KIF11: variants seen among roughly 807,000 people sequenced by gnomAD.
The protein encoded by KIF11 is kinesin-like protein KIF11.
In KIF11, 9 loss-of-function variants were observed where a neutral mutation model predicts 121.0. That is an observed-to-expected ratio of 0.07 (90% confidence interval 0.04 to 0.13). The LOEUF (loss-of-function observed/expected upper bound fraction) is 0.13, where lower values mean the gene tolerates loss of function less well. KIF11 is among the 10% of genes least tolerant of loss of function. The probability of loss-of-function intolerance (pLI) is 1.00; values close to 1 mark genes in which losing one functional copy is unlikely to be tolerated. For synonymous variants in KIF11, 408 were observed against 421.0 expected (o/e 0.97, Z 0.38); for missense variants, 846 against 1,217.5 (o/e 0.69, Z 4.54).
At chr10:92,625,515 AT>A (rs1844666160) in intron 10 of KIF11, among the ~76,000 whole-genome samples, 1 of 151,700 alleles carries the variant, frequency 6.6e-6, no homozygotes, top group African/African-American at 2.4e-5. Context: ...TGCCCGGCTA[AT>A]TTTTGTATTT....
At chr10:92,595,879 G>C (rs1324374537) in intron 1 of KIF11, among the ~76,000 whole-genome samples, 2 of 152,122 alleles carry the variant, frequency 1.3e-5, no homozygotes, top group African/African-American at 2.4e-5. Flanking sequence ...CTCCAGGTTG[G>C]ACCATGTTGT....
At chr10:92,629,902 C>T (rs950178775) in intron 11 of KIF11, among the ~76,000 whole-genome samples, 1 of 152,150 alleles carries the variant, frequency 6.6e-6, no homozygotes, top group African/African-American at 2.4e-5. Context: ...CAGGTGTGAA[C>T]CACCTTGCCA....
intron 10 of KIF11, among the ~76,000 whole-genome samples, chr10:92,624,772 GTTTT>G (rs1297187722): frequency 7.4e-6 from 1 of 134,826 alleles, no homozygotes; most frequent in African/African-American, 2.8e-5. Flanking sequence ...TGTGTGTGTG[GTTTT>G]TTTTTTTTTT....
Position 92,593,321 on chromosome 10 carries a change from C to A in KIF11, c.-55C>A. The A allele has an allele frequency of 3.2e-6, 5 of 1,548,844 alleles. No individual in the cohort carries two copies. The South Asian group carries it at 5.9e-5, about 18-fold the overall frequency. On this transcript the variant is annotated 5_prime_UTR_variant, in exon 1 of 22. Coordinates refer to ENST00000260731, the MANE Select transcript of KIF11 (RefSeq NM_004523.4). ...CCCTGTCGGCCGCCAAGCCCCTCCGCCCCTCACAGCGCCCAGGTCCGCGGC... is the reference window on the plus strand; with the variant it reads ...CCCTGTCGGCCGCCAAGCCCCTCCGACCCTCACAGCGCCCAGGTCCGCGGC...
At position 92,616,745 on chromosome 10, in the gene KIF11, G is replaced by C. The variant is rs1315367842; in HGVS notation, c.1041G>C (p.Leu347=). The change falls in exon 9 of 22, where the codon CTG becomes CTC. Residue 347 remains leucine, a synonymous_variant. Coordinates refer to ENST00000260731, the MANE Select transcript of KIF11 (RefSeq NM_004523.4). Reference sequence around the variant, plus strand: ...TTTCCTTTCCATGACAGGAAACTCTGAGTACATTGGAATATGCTCATAGAG... The same window carrying C: ...TTTCCTTTCCATGACAGGAAACTCTCAGTACATTGGAATATGCTCATAGAG... ...SPASLNLEET[L]STLEYAHRAK... 7 of 1,583,980 alleles carry C rather than the reference G, an allele frequency of 4.4e-6. No individual in the cohort carries two copies. The highest frequency in any genetic ancestry group is 5.2e-6 in the Non-Finnish European group (6 of 1,156,716).
Position 92,609,538 on chromosome 10 carries a change from C to T in KIF11, c.698+29C>T, listed in dbSNP as rs1844472337. Reference sequence around the variant, plus strand: ...AGAAAGCCATAGTCTCTTCCCTAGCCCCATTTTCTTTTAAGAAGAATTAGG... The same window carrying T: ...AGAAAGCCATAGTCTCTTCCCTAGCTCCATTTTCTTTTAAGAAGAATTAGG... On this transcript the variant is annotated intron_variant, in intron 6 of 21. Coordinates refer to ENST00000260731, the MANE Select transcript of KIF11 (RefSeq NM_004523.4). 3 of 1,571,868 alleles carry T rather than the reference C, an allele frequency of 1.9e-6. No individual in the cohort carries two copies. The African/African-American group carries it at 4.1e-5, about 22-fold the overall frequency.
intron 21 of KIF11, among the ~76,000 whole-genome samples, chr10:92,651,518 T>TTTTTTTTTTTG (rs1844982214): frequency 1.5e-5 from 1 of 65,184 alleles, no homozygotes; most frequent in Non-Finnish European, 2.7e-5. Flanking sequence ...TTTTTTTTTT[T>TTTTTTTTTTTG]TTTTTTTTTT....
intron 17 of KIF11, among the ~76,000 whole-genome samples, chr10:92,641,864 A>G (rs1184239121): frequency 6.6e-6 from 1 of 152,156 alleles, no homozygotes; most frequent in Admixed American, 6.5e-5. Flanking sequence ...TGTTGTTCAC[A>G]TTGGGGAAAT....
chr10:92,632,382 G>A, intron 12 of KIF11, 104 bp from the exon 13 acceptor site: 1 of 780,222 alleles, frequency 1.3e-6, no homozygotes, highest in Non-Finnish European at 2.1e-6. Flanking sequence ...TGGCCAGGCT[G>A]GAAAATTTAC....
At chr10:92,619,399 A>G (rs977972025) in intron 9 of KIF11, among the ~76,000 whole-genome samples, 14 of 152,220 alleles carry the variant, frequency 9.2e-5, no homozygotes, top group African/African-American at 2.4e-4. Flanking sequence ...CACTTATTGA[A>G]TAACATATGA....
At chr10:92,611,666 A>T (rs1163469152) in intron 6 of KIF11, among the ~76,000 whole-genome samples, 1 of 152,126 alleles carries the variant, frequency 6.6e-6, no homozygotes, top group Non-Finnish European at 1.5e-5. Context: ...TCGGAGGCCA[A>T]GGTGGGTGGA....
chr10:92,611,485 G>A (rs1844495596), intron 6 of KIF11, among the ~76,000 whole-genome samples: 1 of 151,972 alleles, frequency 6.6e-6, no homozygotes, highest in African/African-American at 2.4e-5. Context: ...GTGATTACAG[G>A]CGTGAGGCAC....
Position 92,645,495 on chromosome 10 carries a change from C to A in KIF11, c.2400C>A (p.His800Gln). The change falls in exon 18 of 22, where the codon CAC (histidine) becomes CAA (glutamine). Residue 800 changes from histidine (H) to glutamine (Q), a missense_variant. His to Gln is a conservative substitution (Grantham distance 24). Transcript: ENST00000260731. ...GTKLVEESVK[H>Q]SDKLNGNLEK... is the part of the protein sequence containing the mutation. Reference sequence around the variant, plus strand: ...AATTGGTTGAAGAATCTGTGAAACACTCTGATAAACTCAATGGCAACCTGG... The same window carrying A: ...AATTGGTTGAAGAATCTGTGAAACAATCTGATAAACTCAATGGCAACCTGG... 1 of 1,614,018 alleles carries A rather than the reference C, an allele frequency of 6.2e-7. No individual in the cohort carries two copies. The highest frequency in any genetic ancestry group is 8.5e-7 in the Non-Finnish European group (1 of 1,179,936).
rs60055052 is a variant in KIF11, at chr10:92,649,778, T to TA, written c.2771-52dup. 2.6e-5 allele frequency: 32 copies of TA among 1,249,346 alleles called. No homozygotes were observed. The Admixed American group carries it at 6.0e-4, about 24-fold the overall frequency. 77.4% of individuals were successfully genotyped at this position (1,249,346 alleles called of 1,614,324 possible). On this transcript the variant is annotated intron_variant, in intron 19 of 21. Transcript: ENST00000260731. Reference sequence around the variant, plus strand: ...TTAATTAGGAAGTTTTAGGTTTTTTTAAAAATATTTACATCTCATACTTTA... The same window carrying TA: ...TTAATTAGGAAGTTTTAGGTTTTTTTAAAAAATATTTACATCTCATACTTTA...
chr10:92,599,233 G>C (rs928420169), intron 1 of KIF11, among the ~76,000 whole-genome samples: 1 of 151,694 alleles, frequency 6.6e-6, no homozygotes, highest in African/African-American at 2.4e-5. Context: ...AATGTAACTG[G>C]AGGCTGGACG....
chr10:92,625,373 C>T (rs1380279161), intron 10 of KIF11, among the ~76,000 whole-genome samples: 1 of 147,996 alleles, frequency 6.8e-6, no homozygotes, highest in Non-Finnish European at 1.5e-5. Context: ...TTTTGAGACA[C>T]AGTTTCACTG....
chr10:92,618,419 C>G (rs1370841436), intron 9 of KIF11, among the ~76,000 whole-genome samples: 1 of 151,422 alleles, frequency 6.6e-6, no homozygotes, highest in African/African-American at 2.4e-5. Context: ...CCGAGGTAGG[C>G]GGATTGCTTT....
intron 17 of KIF11, 143 bp downstream of exon 17, chr10:92,640,043 A>G (rs954912747): frequency 3.2e-4 from 154 of 475,410 alleles, no homozygotes; most frequent in African/African-American, 3.0e-3. Flanking sequence ...GTGTGTATGT[A>G]TATATATACA....
rs984953704 is a variant in KIF11 at position 92,653,597 on chromosome 10, T to C, written c.3040-68T>C. The stretch of plus-strand genomic sequence containing the variant: ...CCTATAACCCAGAGAACTTTGAAAA[T>C]AGAGTGTAGTTAATGTGTATCTAAT... On this transcript the variant is annotated intron_variant, in intron 21 of 21. Coordinates refer to ENST00000260731, the MANE Select transcript of KIF11 (RefSeq NM_004523.4). 4 of 1,417,446 alleles carry C rather than the reference T, an allele frequency of 2.8e-6. No homozygotes were observed. The Admixed American group carries it at 6.5e-5, about 23-fold the overall frequency. The allele number at this position is 1,417,446 out of a possible 1,614,324, so 87.8% of individuals were successfully genotyped here.
Sources: gnomAD v4.1 joint callset for allele counts (sites outside exome capture counted in the v4.1 genomes callset) on GRCh38, gnomAD v4.1.1 for gene constraint, MANE v1.5 for transcripts, NCBI Gene and HGNC (gene_info 2026-07-23, HGNC 2026-07-21) for gene names.